The following KAZN variants were observed in gnomAD, a reference collection of about 807,000 sequenced individuals.
The protein encoded by KAZN is kazrin, periplakin interacting protein.
KAZN carries 40 observed loss-of-function variants against 87.4 expected under a neutral mutation model. The observed-to-expected ratio is 0.46, with a 90% CI of 0.36 to 0.60. The LOEUF is 0.60. Ranked by LOEUF, KAZN falls within the 20% of genes least tolerant of loss-of-function variation. The pLI is 0.00. For synonymous variants in KAZN, 466 were observed against 458.3 expected (o/e 1.02, Z -0.22); for missense variants, 898 against 1,073.9 (o/e 0.84, Z 2.29).
At chr1:14,424,698 G>T (rs1410903916) in intron 2 of KAZN, among the ~76,000 whole-genome samples, 1 of 152,182 alleles carries the variant, frequency 6.6e-6, no homozygotes, top group African/African-American at 2.4e-5. Flanking sequence ...ACATTGCAAA[G>T]AACCCATTTT....
At position 14,010,160 on chromosome 1, in the gene KAZN, G is replaced by A. The variant is rs74752972; in HGVS notation, c.91+116404G>A. 3.6e-3 allele frequency among the ~76,000 whole-genome samples: 550 copies of A among 152,086 alleles called. 5 individuals carry two copies. The highest frequency in any genetic ancestry group is 0.013 in the African/African-American group (519 of 41,478). ...CATATTTATCCTACCATGGGTCTGA[G>A]ATGTTAGTTATCTTTGCTCCTGGTG... On this transcript the variant is annotated intron_variant, in intron 1 of 16. Transcript: ENST00000636203.
intron 1 of KAZN, among the ~76,000 whole-genome samples, chr1:14,048,967 C>T (rs1010908278): frequency 3.3e-5 from 5 of 152,192 alleles, no homozygotes; most frequent in African/African-American, 1.2e-4. Context: ...GCCATTCTAA[C>T]TGGTGTGAGA....
intron 1 of KAZN, among the ~76,000 whole-genome samples, chr1:14,687,453 G>A (rs1405921064): frequency 6.6e-6 from 1 of 152,208 alleles, no homozygotes; most frequent in Non-Finnish European, 1.5e-5. Flanking sequence ...ATATGCATAG[G>A]TGGTCACAAG....
At chr1:14,749,552 G>C (rs1051838150) in intron 1 of KAZN, among the ~76,000 whole-genome samples, 1 of 152,198 alleles carries the variant, frequency 6.6e-6, no homozygotes, top group Non-Finnish European at 1.5e-5. Flanking sequence ...CACATCAAAA[G>C]AGAACCATGA....
intron 1 of KAZN, among the ~76,000 whole-genome samples, chr1:14,793,515 A>T (rs576531506): frequency 6.6e-6 from 1 of 152,288 alleles, no homozygotes; most frequent in South Asian, 2.1e-4. Flanking sequence ...CTCTCCCTGT[A>T]TCTGTTTACC....
intron 2 of KAZN, among the ~76,000 whole-genome samples, chr1:14,554,534 C>T (rs142173829): frequency 2.5e-3 from 385 of 152,308 alleles, no homozygotes; most frequent in African/African-American, 9.0e-3. Flanking sequence ...ACCCTACATA[C>T]GCGTCCCCTT....
chr1:14,130,565 G>A lies in KAZN; in HGVS notation c.92-49870G>A, dbSNP rs925250438. Among the ~76,000 whole-genome samples, 3 of 152,058 alleles carry A rather than the reference G, an allele frequency of 2.0e-5. No individual in the cohort carries two copies. In the South Asian group the frequency reaches 6.2e-4, roughly 32 times the overall value. ...TGGGGTGGAGGGAGGAGATCTGTGA[G>A]CCTGTGGATAACATATCTGAACCTT... On this transcript the variant is annotated intron_variant, in intron 1 of 16. Transcript: ENST00000636203.
chr1:14,147,238 G>A lies in KAZN; in HGVS notation c.92-33197G>A, dbSNP rs1047335230. ...TTAGTAGTTAAGTTTCCATGTATTCGAAACAATTCAGATTTTCCACTGCAA... is the reference window on the plus strand; with the variant it reads ...TTAGTAGTTAAGTTTCCATGTATTCAAAACAATTCAGATTTTCCACTGCAA... On this transcript the variant is annotated intron_variant, in intron 1 of 16. Coordinates refer to the KAZN transcript ENST00000636203. Among the ~76,000 whole-genome samples, 8 of 152,118 alleles carry A rather than the reference G, an allele frequency of 5.3e-5. No individual in the cohort carries two copies. The South Asian group carries it at 8.3e-4, about 16-fold the overall frequency.
intron 1 of KAZN, among the ~76,000 whole-genome samples, chr1:14,853,885 C>G (rs143386859): frequency 9.2e-5 from 14 of 152,222 alleles, no homozygotes; most frequent in Non-Finnish European, 1.6e-4. Context: ...TGTGGACCAC[C>G]CTTGGGCAAG....
intron 2 of KAZN, among the ~76,000 whole-genome samples, chr1:14,224,475 A>G (rs1350918974): frequency 6.6e-6 from 1 of 152,160 alleles, no homozygotes; most frequent in Non-Finnish European, 1.5e-5. Flanking sequence ...AGAGGATACC[A>G]CCTCTTGGAT....
chr1:14,571,842 AG>A (rs1246178871), intron 2 of KAZN, among the ~76,000 whole-genome samples: 4 of 152,122 alleles, frequency 2.6e-5, no homozygotes, highest in African/African-American at 9.7e-5. Flanking sequence ...AGGGAAGGAG[AG>A]GCAGGGCTTG....
intron 1 of KAZN, among the ~76,000 whole-genome samples, chr1:14,659,024 A>G (rs1263444251): frequency 6.6e-6 from 1 of 152,166 alleles, no homozygotes; most frequent in Non-Finnish European, 1.5e-5. Flanking sequence ...GGATCACATG[A>G]GGCCACAGTT....
chr1:15,030,444 T>A (rs958614184), intron 2 of KAZN, among the ~76,000 whole-genome samples: 2 of 152,104 alleles, frequency 1.3e-5, no homozygotes, highest in Non-Finnish European at 2.9e-5. Flanking sequence ...ATTTTTGTAT[T>A]TTTAGTAGAG....
chr1:14,698,396 G>T (rs376383141), intron 1 of KAZN, among the ~76,000 whole-genome samples: 1 of 152,202 alleles, frequency 6.6e-6, no homozygotes. Flanking sequence ...GACCTCCACC[G>T]TCCCATCTGG....
intron 2 of KAZN, among the ~76,000 whole-genome samples, chr1:14,591,809 G>A (rs139356787): frequency 1.3e-5 from 2 of 152,246 alleles, no homozygotes; most frequent in East Asian, 1.9e-4. Context: ...GTGCATGCAC[G>A]CGCCCATGTG....
chr1:14,892,000 T>C (rs1225299021), intron 1 of KAZN, among the ~76,000 whole-genome samples: 3 of 152,156 alleles, frequency 2.0e-5, no homozygotes, highest in South Asian at 2.1e-4. Context: ...CAGAAGCTAC[T>C]GGAAGGTGTC....
At chr1:14,860,262 G>A (rs1192336501) in intron 1 of KAZN, among the ~76,000 whole-genome samples, 1 of 151,778 alleles carries the variant, frequency 6.6e-6, no homozygotes, top group Non-Finnish European at 1.5e-5. Flanking sequence ...CGTGATCTCA[G>A]TTCACTGCAA....
intron 1 of KAZN, among the ~76,000 whole-genome samples, chr1:14,883,132 C>T (rs2101108117): frequency 6.6e-6 from 1 of 151,678 alleles, no homozygotes; most frequent in South Asian, 2.1e-4. Context: ...CCCATCTCTA[C>T]TAAAAATACA....
At chr1:14,178,189 C>G (rs1646125622) in intron 1 of KAZN, among the ~76,000 whole-genome samples, 1 of 152,160 alleles carries the variant, frequency 6.6e-6, no homozygotes, top group Non-Finnish European at 1.5e-5. Flanking sequence ...TTCCTGAGGC[C>G]TCCCCAGCCA....
Sources: gnomAD v4.1 joint callset for allele counts (sites outside exome capture counted in the v4.1 genomes callset) on GRCh38, gnomAD v4.1.1 for gene constraint, MANE v1.5 for transcripts, NCBI Gene and HGNC (gene_info 2026-07-23, HGNC 2026-07-21) for gene names.